CUBN: variants seen among roughly 807,000 people sequenced by gnomAD.
CUBN encodes the protein 460 kDa receptor.
Under a neutral mutation model 405.3 loss-of-function variants are expected in CUBN, and 282 were observed. The observed-to-expected ratio is 0.70, with a 90% CI of 0.63 to 0.77. CUBN has a LOEUF of 0.77. CUBN is among the 30% of genes least tolerant of loss of function. The pLI is 0.00. For synonymous variants in CUBN, 1,684 were observed against 1,617.0 expected, an observed-to-expected ratio of 1.04 and a Z score of -0.99; for missense variants, 4,514 against 4,475.2, an observed-to-expected ratio of 1.01 and a Z score of -0.25.
intron 27 of CUBN, among the ~76,000 whole-genome samples, chr10:17,036,371 C>T (rs924729727): frequency 3.3e-5 from 5 of 152,146 alleles, no homozygotes; most frequent in African/African-American, 1.2e-4. Context: ...TGGATGGGAA[C>T]AGTCAGGGAG....
chr10:16,846,670 G>T (rs1029144536), intron 60 of CUBN, among the ~76,000 whole-genome samples: 2 of 151,938 alleles, frequency 1.3e-5, no homozygotes, highest in Admixed American at 1.3e-4. Context: ...AAATTAGCTG[G>T]GCATGGTGGT....
chr10:17,027,690 C>A (rs1834702431), intron 27 of CUBN, among the ~76,000 whole-genome samples: 1 of 152,122 alleles, frequency 6.6e-6, no homozygotes, highest in African/African-American at 2.4e-5. Context: ...CAAATAAACA[C>A]CTGGCCTACT....
chr10:17,029,505 G>T (rs1409252952), intron 27 of CUBN, among the ~76,000 whole-genome samples: 1 of 152,176 alleles, frequency 6.6e-6, no homozygotes, highest in South Asian at 2.1e-4. Flanking sequence ...TTGAATCCAG[G>T]TATCATGCTT....
chr10:17,071,934 C>T lies in CUBN; in HGVS notation c.2339G>A (p.Gly780Asp). ...DGETLLGKVCGNGTISHIKSI... is the reference protein window; with the variant it reads ...DGETLLGKVCDNGTISHIKSI... ...TTTAATGTGAGAGATGGTTCCGTTG[C>T]CACAGACTTTTCCAAGTAAGGTTTC... Residue 780 changes from glycine to aspartate, a missense_variant, in exon 18 of 67, where the codon GGC becomes GAC. This residue lies in a region of CUBN where 1,448 missense variants were observed against 1,388.0 expected (regional missense o/e 1.04). Coordinates refer to ENST00000377833, the MANE Select transcript of CUBN (RefSeq NM_001081.4). The T allele has an allele frequency of 6.2e-7, 1 of 1,612,968 alleles. No homozygotes were observed. Among genetic ancestry groups the T allele is most frequent in the Non-Finnish European group, 8.5e-7 (1 of 1,179,526 alleles).
chr10:17,093,658 T>C (rs551946291), intron 14 of CUBN, among the ~76,000 whole-genome samples: 1 of 151,604 alleles, frequency 6.6e-6, no homozygotes, highest in Non-Finnish European at 1.5e-5. Flanking sequence ...AAAAACTGAC[T>C]AGGCCTGTGA....
At chr10:16,977,051 TA>T (rs1182106622) in intron 31 of CUBN, among the ~76,000 whole-genome samples, 5 of 152,200 alleles carry the variant, frequency 3.3e-5, no homozygotes, top group Non-Finnish European at 5.9e-5. Flanking sequence ...TCTGGCATAT[TA>T]GTGGATTTGT....
At chr10:16,884,356 C>CA (rs1840750460) in intron 56 of CUBN, among the ~76,000 whole-genome samples, 1 of 150,828 alleles carries the variant, frequency 6.6e-6, no homozygotes, top group Admixed American at 6.7e-5. Flanking sequence ...TCAAGAAGTG[C>CA]TTTATCTATG....
intron 31 of CUBN, among the ~76,000 whole-genome samples, chr10:16,981,229 G>A (rs1833262796): frequency 7.6e-6 from 1 of 131,804 alleles, no homozygotes; most frequent in Admixed American, 7.7e-5. Context: ...TGAACGTCAA[G>A]AGGAGAAGAA....
intron 3 of CUBN, among the ~76,000 whole-genome samples, 173 bp downstream of exon 3, chr10:17,127,656 T>G (rs745546609): frequency 2.0e-5 from 3 of 152,082 alleles, no homozygotes; most frequent in Non-Finnish European, 4.4e-5. Flanking sequence ...CTGCCTTCTG[T>G]CCATCACTTC....
At chr10:17,000,894 C>A (rs989990394) in intron 28 of CUBN, among the ~76,000 whole-genome samples, 3 of 152,238 alleles carry the variant, frequency 2.0e-5, no homozygotes, top group African/African-American at 7.2e-5. Context: ...GAATTGGTTT[C>A]TTCCGGTGGG....
intron 17 of CUBN, 27 bp from the exon 18 acceptor site, chr10:17,071,998 T>C (rs769310384): frequency 1.3e-6 from 2 of 1,588,034 alleles, no homozygotes; most frequent in Non-Finnish European, 1.7e-6. Flanking sequence ...AATAGAGATG[T>C]AATTCAAATA....
At position 16,890,470 on chromosome 10, in the gene CUBN, C is replaced by T. The variant is rs200235278; in HGVS notation, c.8656G>A (p.Val2886Met). 35 of 1,614,168 alleles carry T rather than the reference C, an allele frequency of 2.2e-5. No individual in the cohort carries two copies. Among genetic ancestry groups the T allele is most frequent in the East Asian group, 4.5e-5 (2 of 44,880 alleles). ...GGTGTGATAACGGGACCCGGAGCCA[C>T]GTTCCCACAGCCAGTGGCTAGCAGG... The part of the protein sequence containing the change: ...KALLATGCGN[V>M]APGPVITPSN... The change falls in exon 55 of 67, where the codon GTG becomes ATG. Residue 2886 changes from valine to methionine, a missense_variant. By Grantham distance (21) the Val-to-Met change is conservative. Around this residue, in one of 5 missense-constraint regions of CUBN, gnomAD observed 1,186 missense variants for 1,186.9 expected, o/e 1.00. Transcript: ENST00000377833.
rs558765670 is a variant in CUBN at position 17,056,552 on chromosome 10, T to C, written c.3140-8949A>G. 4.2e-3 allele frequency among the ~76,000 whole-genome samples: 642 copies of C among 151,616 alleles called. 4 individuals carry two copies. Among genetic ancestry groups the C allele is most frequent in the African/African-American group, 0.014 (590 of 41,356 alleles). On this transcript the variant is annotated intron_variant, in intron 22 of 66. Transcript: ENST00000377833. ...TGAACCCGGGAGTCGGAGCTTGCAGTGAGCCGAGATCGCACCACCGGACTC... is the reference window on the plus strand; with the variant it reads ...TGAACCCGGGAGTCGGAGCTTGCAGCGAGCCGAGATCGCACCACCGGACTC...
At position 16,991,436 on chromosome 10, in the gene CUBN, G is replaced by A. The variant is rs191432442; in HGVS notation, c.4169-921C>T. Among the ~76,000 whole-genome samples the A allele has an allele frequency of 1.7e-4, 26 of 152,280 alleles. 1 individual carries two copies. In the East Asian group the frequency reaches 5.0e-3, roughly 29 times the overall value. ...AATACTTCATTACTATACCGCACAG[G>A]CTCTCAAATCGTTTGCAGGAATTCA... On this transcript the variant is annotated intron_variant, in intron 28 of 66. Coordinates refer to ENST00000377833, the MANE Select transcript of CUBN (RefSeq NM_001081.4).
chr10:17,088,854 G>A (rs946544168), intron 14 of CUBN, among the ~76,000 whole-genome samples: 1 of 152,170 alleles, frequency 6.6e-6, no homozygotes, highest in Admixed American at 6.5e-5. Context: ...TCAAATGTCT[G>A]TAGTGATCGA....
At chr10:16,925,134 C>T in intron 43 of CUBN, 107 bp downstream of exon 43, 2 of 799,832 alleles carry the variant, frequency 2.5e-6, no homozygotes, top group Non-Finnish European at 2.1e-6. Flanking sequence ...TGAGAGTAGG[C>T]ATTCTTATTA....
intron 48 of CUBN, among the ~76,000 whole-genome samples, chr10:16,909,805 A>C (rs961780351): frequency 3.3e-5 from 5 of 152,256 alleles, no homozygotes; most frequent in Non-Finnish European, 7.3e-5. Flanking sequence ...GGAAGCAGGC[A>C]CGTGAGATTT....
At position 16,928,165 on chromosome 10, in the gene CUBN, A is replaced by G. The variant is rs74844886; in HGVS notation, c.6263T>C (p.Phe2088Ser). 521 of 1,613,772 alleles carry G rather than the reference A, an allele frequency of 3.2e-4. 1 individual carries two copies. Among genetic ancestry groups the G allele is most frequent in the Non-Finnish European group, 4.1e-4 (489 of 1,179,780 alleles). The change falls in exon 41 of 67, where the codon TTT becomes TCT. Residue 2088 changes from phenylalanine to serine, a missense_variant. This residue lies in a region of CUBN where 1,613 missense variants were observed against 1,542.8 expected (regional missense o/e 1.05). Coordinates refer to ENST00000377833, the MANE Select transcript of CUBN (RefSeq NM_001081.4). ...SVTRAGFNASFHKSCGGYLHA... is the reference protein window; with the variant it reads ...SVTRAGFNASSHKSCGGYLHA... ...ATATTTGAACTCATTACTCTTGTGA[A>G]AGGATGCATTGAAGCCTGCCCTGGT...
chr10:17,062,174 G>A (rs9665553), intron 22 of CUBN, among the ~76,000 whole-genome samples: 118,155 of 152,000 alleles, frequency 0.78, 46,051 homozygotes, highest in East Asian at 0.92. Flanking sequence ...CATACTTTTA[G>A]CAATCACAAG....
Sources: allele counts gnomAD v4.1 joint callset (sites outside exome capture counted in the v4.1 genomes callset), GRCh38; gene constraint gnomAD v4.1.1; regional missense constraint gnomAD v4.1.1; transcripts MANE v1.5; gene names NCBI Gene and HGNC (gene_info 2026-07-23, HGNC 2026-07-21).